Variants in HELZ observed in about 807,000 individuals in gnomAD.
HELZ encodes the protein helicase with zinc finger.
In HELZ, 23 loss-of-function variants were observed where a neutral mutation model predicts 218.2. The observed-to-expected ratio is 0.11, with a 90% CI of 0.08 to 0.15. The LOEUF (loss-of-function observed/expected upper bound fraction) is 0.15, where lower values mean the gene tolerates loss of function less well. Ranked by LOEUF, HELZ falls within the 10% of genes least tolerant of loss-of-function variation. HELZ has a pLI of 1.00. For synonymous variants in HELZ, 814 were observed against 829.4 expected (o/e 0.98, Z 0.32); for missense variants, 1,813 against 2,353.7 (o/e 0.77, Z 4.75).
At chr17:67,168,955 G>C (rs1316056603) in intron 13 of HELZ, among the ~76,000 whole-genome samples, 3 of 152,122 alleles carry the variant, frequency 2.0e-5, no homozygotes, top group East Asian at 1.9e-4. Flanking sequence ...AGCCAGGTGT[G>C]GTGGCAGGCA....
At position 67,128,671 on chromosome 17, in the gene HELZ, G is replaced by C; in HGVS notation, c.3367C>G (p.Gln1123Glu). 1 of 1,614,130 alleles carries C rather than the reference G, an allele frequency of 6.2e-7. No homozygotes were observed. Residue 1123 changes from glutamine (Q) to glutamate (E), a missense_variant, in exon 24 of 33, where the codon CAG becomes GAG. By Grantham distance (29) the Gln-to-Glu change is conservative. Coordinates refer to ENST00000358691, the MANE Select transcript of HELZ (RefSeq NM_014877.4). ...TTTACCTTGGGTGGTGATTGCTGCT[G>C]TTTGTTGGTACTTCCTGAATGCTGC... Reference protein sequence around the residue: ...RLQHSGSTNKQQQSPPKGKSL... With the variant: ...RLQHSGSTNKEQQSPPKGKSL...
intron 32 of HELZ, among the ~76,000 whole-genome samples, chr17:67,086,125 C>G (rs2036363460): frequency 6.6e-6 from 1 of 152,106 alleles, no homozygotes; most frequent in African/African-American, 2.4e-5. Flanking sequence ...TCCCACTCAC[C>G]CCCCTCAGCC....
chr17:67,190,757 C>G (rs1397684056), intron 9 of HELZ, among the ~76,000 whole-genome samples: 2 of 152,222 alleles, frequency 1.3e-5, no homozygotes, highest in Non-Finnish European at 2.9e-5. Flanking sequence ...GTTGCCCAGG[C>G]TGGAGTGCAG....
intron 2 of HELZ, among the ~76,000 whole-genome samples, chr17:67,242,775 G>A (rs887858317): frequency 6.8e-6 from 1 of 147,966 alleles, no homozygotes; most frequent in Non-Finnish European, 1.5e-5. Context: ...CTTGGTTTAT[G>A]TCCACCTTCC....
intron 23 of HELZ, among the ~76,000 whole-genome samples, chr17:67,129,150 G>A (rs955696992): frequency 6.6e-6 from 1 of 151,964 alleles, no homozygotes; most frequent in African/African-American, 2.4e-5. Flanking sequence ...AATTCAAAAT[G>A]ATCTTTTTTA....
Position 67,073,107 on chromosome 17 carries a change from T to A in HELZ, c.*5145A>T, listed in dbSNP as rs1187467683. The A allele has an allele frequency of 6.6e-6, 1 of 152,254 alleles. No homozygotes were observed. Among genetic ancestry groups the A allele is most frequent in the East Asian group, 1.9e-4 (1 of 5,200 alleles). The allele number at this position is 152,254 out of a possible 1,614,324, so 9.4% of individuals were successfully genotyped here. ...GATCTGTAAATAGTACTATGTGACT[T>A]CTACTCTGTGTTGCAACCTATGTAA... On this transcript the variant is annotated 3_prime_UTR_variant, in exon 33 of 33. Coordinates refer to ENST00000358691, the MANE Select transcript of HELZ (RefSeq NM_014877.4).
At chr17:67,106,951 A>G (rs1347139167) in intron 31 of HELZ, among the ~76,000 whole-genome samples, 2 of 152,238 alleles carry the variant, frequency 1.3e-5, no homozygotes, top group African/African-American at 2.4e-5. Flanking sequence ...AAACAGCAAT[A>G]AAAGACTTTT....
chr17:67,149,903 T>C lies in HELZ; in HGVS notation c.2439A>G (p.Gln813=), dbSNP rs748636366. ...CACCAGCCAAGACAATCCGAGTGTTTTGAGTTGCTAATGCTAGAGGCATAA... is the reference window on the plus strand; with the variant it reads ...CACCAGCCAAGACAATCCGAGTGTTCTGAGTTGCTAATGCTAGAGGCATAA... ...ETIMPLALAT[Q]NTRIVLAGDH... The change falls in exon 19 of 33, where the codon CAA becomes CAG. Residue 813 remains glutamine (Q), a synonymous_variant. Transcript: ENST00000358691. 5.6e-6 allele frequency: 9 copies of C among 1,611,170 alleles called. No homozygotes were observed. In the South Asian group the frequency reaches 8.8e-5, roughly 16 times the overall value.
chr17:67,158,370 C>G (rs914190239), intron 17 of HELZ, among the ~76,000 whole-genome samples: 1 of 152,158 alleles, frequency 6.6e-6, no homozygotes, highest in Non-Finnish European at 1.5e-5. Flanking sequence ...TCATTCTAAT[C>G]TTCTCTATTC....
At chr17:67,194,075 T>A (rs773783741) in intron 8 of HELZ, 33 bp from the exon 9 acceptor site, 1 of 1,460,906 alleles carries the variant, frequency 6.8e-7, no homozygotes. Context: ...TCTTATCATT[T>A]GAGGCTAGCC....
At chr17:67,141,346 T>C (rs1431326048) in intron 21 of HELZ, among the ~76,000 whole-genome samples, 1 of 152,028 alleles carries the variant, frequency 6.6e-6, no homozygotes, top group Non-Finnish European at 1.5e-5. Context: ...GTAATTCAAA[T>C]CCACAAAGAG....
intron 3 of HELZ, among the ~76,000 whole-genome samples, chr17:67,236,380 T>G (rs550250228): frequency 6.6e-6 from 1 of 152,164 alleles, no homozygotes; most frequent in African/African-American, 2.4e-5. Context: ...TGAGGAGCCA[T>G]AAAAACACTG....
intron 3 of HELZ, among the ~76,000 whole-genome samples, chr17:67,238,631 G>A (rs1032342679): frequency 2.0e-5 from 3 of 152,004 alleles, no homozygotes; most frequent in African/African-American, 2.4e-5. Flanking sequence ...GCAGTGAGCC[G>A]AGATCGTGCC....
intron 17 of HELZ, among the ~76,000 whole-genome samples, chr17:67,151,893 C>T (rs1184069743): frequency 6.6e-6 from 1 of 152,116 alleles, no homozygotes; most frequent in Non-Finnish European, 1.5e-5. Flanking sequence ...ATCCACCCAC[C>T]CATCTCTAAC....
chr17:67,079,914 T>C (rs966244624), intron 32 of HELZ, among the ~76,000 whole-genome samples: 3 of 152,228 alleles, frequency 2.0e-5, no homozygotes, highest in East Asian at 3.8e-4. Flanking sequence ...TTTTTACATA[T>C]GAAGAATACT....
chr17:67,166,658 T>C (rs371204615), intron 14 of HELZ, 50 bp from the exon 15 acceptor site: 9 of 1,563,844 alleles, frequency 5.8e-6, no homozygotes, highest in African/African-American at 4.1e-5. Context: ...CAAACATCAA[T>C]GCTGGCAGCT....
intron 25 of HELZ, 31 bp from the exon 26 acceptor site, chr17:67,123,191 A>G: frequency 1.4e-6 from 2 of 1,420,302 alleles, no homozygotes; most frequent in South Asian, 2.4e-5. Flanking sequence ...GGATGCACTC[A>G]ACAGCTGTAC....
At chr17:67,202,485 T>C (rs2143113365) in intron 6 of HELZ, among the ~76,000 whole-genome samples, 1 of 152,220 alleles carries the variant, frequency 6.6e-6, no homozygotes, top group East Asian at 1.9e-4. Context: ...CCTCAGCAAT[T>C]CAGCAAGACT....
intron 32 of HELZ, among the ~76,000 whole-genome samples, chr17:67,082,236 A>AC (rs2036216522): frequency 6.6e-6 from 1 of 152,228 alleles, no homozygotes; most frequent in Non-Finnish European, 1.5e-5. Context: ...AATAGAATGA[A>AC]CTCAGACATT....
Sources: gnomAD v4.1 joint callset for allele counts (sites outside exome capture counted in the v4.1 genomes callset) on GRCh38, gnomAD v4.1.1 for gene constraint, MANE v1.5 for transcripts, NCBI Gene and HGNC (gene_info 2026-07-23, HGNC 2026-07-21) for gene names.